DYNLT1: variants seen among roughly 807,000 people sequenced by gnomAD.
DYNLT1 encodes dynein light chain Tctex-type 1.
Under a neutral mutation model 19.6 loss-of-function variants are expected in DYNLT1, and 18 were observed. The ratio of observed to expected loss-of-function variants is 0.92; its 90% CI spans 0.64 to 1.36. The LOEUF (loss-of-function observed/expected upper bound fraction) is 1.36. DYNLT1 is among the 40% of genes most tolerant of loss of function. The pLI is 0.00. For missense variants in DYNLT1, 137 were observed against 139.3 expected (o/e 0.98, Z 0.08); for synonymous variants, 56 against 44.0 (o/e 1.27, Z -1.07).
intron 1 of DYNLT1, chr6:158,642,259 T>C (rs1004369575): frequency 6.6e-6 from 1 of 152,274 alleles, no homozygotes; most frequent in African/African-American, 2.4e-5. Flanking sequence ...GTGGGCTGCC[T>C]GCAGGAATCT....
rs751864431 is a variant in DYNLT1 at position 158,637,871 on chromosome 6, A to G, written c.93T>C (p.Gly31=). The G allele has an allele frequency of 2.0e-5, 32 of 1,605,540 alleles. No homozygotes were observed. The highest frequency in any genetic ancestry group is 1.9e-5 in the Non-Finnish European group (23 of 1,179,998). Reference sequence around the variant, plus strand: ...TCACTTTGCTGTGTTGATAAGCGTTACCACCAATTGCGCTTTCTATAGCCT... The same window carrying G: ...TCACTTTGCTGTGTTGATAAGCGTTGCCACCAATTGCGCTTTCTATAGCCT... ...VKEAIESAIG[G]NAYQHSKVNQ... The change falls in exon 3 of 5, where the codon GGT becomes GGC. Residue 31 remains glycine (G), a synonymous_variant. Coordinates refer to ENST00000367089, the MANE Select transcript of DYNLT1 (RefSeq NM_006519.4).
chr6:158,637,626 TAA>T (rs2128337008), intron 3 of DYNLT1, 143 bp downstream of exon 3: 21 of 1,267,120 alleles, frequency 1.7e-5, no homozygotes, highest in Middle Eastern at 2.0e-4. Context: ...AAGCGTACGC[TAA>T]CGTATACTAC....
At chr6:158,644,477 G>A (rs903286526) in intron 1 of DYNLT1, among the ~76,000 whole-genome samples, 4 of 152,108 alleles carry the variant, frequency 2.6e-5, no homozygotes, top group African/African-American at 9.7e-5. Flanking sequence ...TCCCCTTCCC[G>A]CCCCCCGCGC....
chr6:158,639,969 G>A (rs1554232616), intron 2 of DYNLT1, among the ~76,000 whole-genome samples: 2 of 152,112 alleles, frequency 1.3e-5, no homozygotes, highest in Admixed American at 6.6e-5. Context: ...GTGAGCCATC[G>A]CGCCCAGCAT....
rs755141875 is a variant in DYNLT1, at chr6:158,644,710, T to A, written c.-2A>T. The A allele has an allele frequency of 1.2e-6, 2 of 1,611,666 alleles. No homozygotes were observed. The highest frequency in any genetic ancestry group is 1.7e-6 in the Non-Finnish European group (2 of 1,179,680). ...CTCCGCAGCCTGGTAGTCTTCCATC[T>A]TTCCTCCGGCGCGTCCCCTCCGGCT... On this transcript the variant is annotated 5_prime_UTR_variant, in exon 1 of 5. The change creates a new upstream start codon in the 5' untranslated region. Transcript: ENST00000367089.
chr6:158,637,722 A>C, intron 3 of DYNLT1, 49 bp downstream of exon 3: 2 of 1,613,960 alleles, frequency 1.2e-6, no homozygotes, highest in Non-Finnish European at 1.7e-6. Context: ...CCCTCTGATC[A>C]GTGTTAAAAA....
At chr6:158,637,996 T>G in intron 2 of DYNLT1, 102 bp from the exon 3 acceptor site, 1 of 1,525,424 alleles carries the variant, frequency 6.6e-7, no homozygotes, top group Non-Finnish European at 8.8e-7. Context: ...TATGAAAAGT[T>G]TATTTTTAAT....
At position 158,637,089 on chromosome 6, in the gene DYNLT1, C is replaced by CA. The variant is rs778919480; in HGVS notation, c.271+38dup. 23 of 1,612,312 alleles carry CA rather than the reference C, an allele frequency of 1.4e-5. No homozygotes were observed. In the African/African-American group the frequency reaches 2.7e-4, roughly 19 times the overall value. ...ATAGGAAACTTCCAGTCATATATTTCACACAACAAAACTTCACAAACATGA... is the reference window on the plus strand; with the variant it reads ...ATAGGAAACTTCCAGTCATATATTTCAACACAACAAAACTTCACAAACATGA... On this transcript the variant is annotated intron_variant, in intron 4 of 4. Coordinates refer to ENST00000367089, the MANE Select transcript of DYNLT1 (RefSeq NM_006519.4).
chr6:158,644,672 C>G lies in DYNLT1; in HGVS notation c.27+10G>C, dbSNP rs748622589. On this transcript the variant is annotated intron_variant, in intron 1 of 4. Transcript: ENST00000367089. ...GGCCTCCACCCTTCCGTCGCCGACC[C>G]GGCGGTTACCTCCTCCGCAGCCTGG... is the stretch of plus-strand genomic sequence containing the variant. The G allele has an allele frequency of 6.2e-7, 1 of 1,612,046 alleles. No individual in the cohort carries two copies. The highest frequency in any genetic ancestry group is 1.1e-5 in the South Asian group (1 of 91,074).
chr6:158,637,454 T>C (rs781307360), intron 3 of DYNLT1: 75 of 613,770 alleles, frequency 1.2e-4, no homozygotes, highest in Non-Finnish European at 1.1e-4. Flanking sequence ...CTTAATACCC[T>C]GGTAAATCCA....
intron 1 of DYNLT1, 60 bp downstream of exon 1, chr6:158,644,622 G>A (rs778292670): frequency 1.2e-6 from 2 of 1,602,308 alleles, no homozygotes; most frequent in South Asian, 1.1e-5. Context: ...GCAGGACCGC[G>A]TGTCCTTCCG....
chr6:158,644,686 T>A lies in DYNLT1; in HGVS notation c.23A>T (p.Glu8Val). 6.2e-7 allele frequency: 1 copy of A among 1,612,146 alleles called. No individual in the cohort carries two copies. The highest frequency in any genetic ancestry group is 8.5e-7 in the Non-Finnish European group (1 of 1,179,714). The change falls in exon 1 of 5, where the codon GAG becomes GTG. Residue 8 changes from glutamate to valine, a missense_variant. By Grantham distance (121) the Glu-to-Val change is moderately radical. Transcript: ENST00000367089. MEDYQAA[E>V]ETAFVVDEVS... ...CGTCGCCGACCCGGCGGTTACCTCCTCCGCAGCCTGGTAGTCTTCCATCTT... is the reference window on the plus strand; with the variant it reads ...CGTCGCCGACCCGGCGGTTACCTCCACCGCAGCCTGGTAGTCTTCCATCTT...
chr6:158,637,820 T>C lies in DYNLT1; in HGVS notation c.144A>G (p.Glu48=), dbSNP rs186830023. 3.3e-5 allele frequency: 53 copies of C among 1,613,046 alleles called. No individual in the cohort carries two copies. In the Middle Eastern group the frequency reaches 8.2e-4, roughly 25 times the overall value. ...GCTTGGTGAGTTGGCTTAAAGTTTG[T>C]TCTACTACATTTGTGGTCCACTGGT... ...KVNQWTTNVV[E]QTLSQLTKLG... Residue 48 remains glutamate (E), a synonymous_variant, in exon 3 of 5, where the codon GAA becomes GAG. Transcript: ENST00000367089.
rs369733063 is a variant in DYNLT1 at position 158,641,380 on chromosome 6, G to A, written c.28-20C>T. 1.2e-4 allele frequency: 189 copies of A among 1,578,262 alleles called. No individual in the cohort carries two copies. Among genetic ancestry groups the A allele is most frequent in the Non-Finnish European group, 1.5e-4 (174 of 1,165,808 alleles). On this transcript the variant is annotated intron_variant, in intron 1 of 4. Coordinates refer to ENST00000367089, the MANE Select transcript of DYNLT1 (RefSeq NM_006519.4). ...AGCAGTCTGTAAGGAAGAACATTCA[G>A]TTAAGTTTGATTTATTTAAAAGATA...
intron 1 of DYNLT1, 140 bp downstream of exon 1, chr6:158,644,542 C>T (rs1787300700): frequency 3.1e-6 from 3 of 980,990 alleles, no homozygotes; most frequent in Non-Finnish European, 4.3e-6. Context: ...GCGCCGGCGA[C>T]CGGGAAGCTC....
chr6:158,644,488 C>T (rs1000743572), intron 1 of DYNLT1, among the ~76,000 whole-genome samples, 194 bp downstream of exon 1: 3 of 152,190 alleles, frequency 2.0e-5, no homozygotes, highest in South Asian at 2.1e-4. Flanking sequence ...CCCCCCGCGC[C>T]GGGGAAACGG....
chr6:158,636,948 C>T (rs1213853975), intron 4 of DYNLT1, 51 bp from the exon 5 acceptor site: 10 of 1,594,472 alleles, frequency 6.3e-6, no homozygotes, highest in East Asian at 2.3e-5. Flanking sequence ...TGGGGGACGA[C>T]GTTTTACTCA....
chr6:158,637,843 G>C lies in DYNLT1; in HGVS notation c.121C>G (p.Gln41Glu). Reference protein sequence around the residue: ...GNAYQHSKVNQWTTNVVEQTL... With the variant: ...GNAYQHSKVNEWTTNVVEQTL... Reference sequence around the variant, plus strand: ...TGTTCTACTACATTTGTGGTCCACTGGTTCACTTTGCTGTGTTGATAAGCG... The same window carrying C: ...TGTTCTACTACATTTGTGGTCCACTCGTTCACTTTGCTGTGTTGATAAGCG... The change falls in exon 3 of 5, where the codon CAG (glutamine) becomes GAG (glutamate). Residue 41 changes from glutamine (Q) to glutamate (E), a missense_variant. Physicochemically the swap from Gln to Glu is conservative, Grantham distance 29. Coordinates refer to ENST00000367089, the MANE Select transcript of DYNLT1 (RefSeq NM_006519.4). 4 of 1,610,482 alleles carry C rather than the reference G, an allele frequency of 2.5e-6. No individual in the cohort carries two copies. The South Asian group carries it at 3.3e-5, about 13-fold the overall frequency.
chr6:158,638,439 C>T (rs1359159946), intron 2 of DYNLT1, among the ~76,000 whole-genome samples: 1 of 152,086 alleles, frequency 6.6e-6, no homozygotes, highest in Admixed American at 6.6e-5. Flanking sequence ...TTTATTTTTA[C>T]TTTTCTGAGG....
Sources: gnomAD v4.1 joint callset for allele counts (sites outside exome capture counted in the v4.1 genomes callset) on GRCh38, gnomAD v4.1.1 for gene constraint, MANE v1.5 for transcripts, NCBI Gene and HGNC (gene_info 2026-07-23, HGNC 2026-07-21) for gene names.